Variants in CHRNA6 observed in about 807,000 individuals in gnomAD.
CHRNA6 encodes the protein cholinergic receptor nicotinic alpha 6 subunit, also known as neuronal acetylcholine receptor subunit alpha-6.
Under a neutral mutation model 40.9 loss-of-function variants are expected in CHRNA6, and 31 were observed. That is an observed-to-expected ratio of 0.76 (90% CI 0.57 to 1.02). The LOEUF is 1.02. Among genes scored for constraint, CHRNA6 ranks in the 50% least tolerant of loss-of-function variants. The pLI, the probability that CHRNA6 is intolerant of heterozygous loss-of-function variation, is 0.00. For synonymous variants in CHRNA6, 222 were observed against 221.3 expected, an observed-to-expected ratio of 1.00 and a Z score of -0.03; for missense variants, 546 against 596.6, an observed-to-expected ratio of 0.92 and a Z score of 0.88.
At chr8:42,754,983 C>T (rs1301967883) in intron 5 of CHRNA6, among the ~76,000 whole-genome samples, 1 of 152,000 alleles carries the variant, frequency 6.6e-6, no homozygotes, top group Non-Finnish European at 1.5e-5. Flanking sequence ...TTCTCCTTCC[C>T]TCTGGGGCAG....
intron 2 of CHRNA6, among the ~76,000 whole-genome samples, chr8:42,760,208 CAT>C (rs772127929): frequency 4.5e-4 from 69 of 152,234 alleles, no homozygotes; most frequent in South Asian, 8.3e-4. Flanking sequence ...CACACACACA[CAT>C]ATGCACACAC....
intron 5 of CHRNA6, 38 bp downstream of exon 5, chr8:42,755,808 G>A: frequency 6.3e-7 from 1 of 1,584,128 alleles, no homozygotes. Context: ...AGGCTGCAAA[G>A]GGTGCAAGCT....
chr8:42,763,554 A>G (rs901523404), intron 2 of CHRNA6, among the ~76,000 whole-genome samples: 2 of 152,174 alleles, frequency 1.3e-5, no homozygotes, highest in Non-Finnish European at 2.9e-5. Context: ...GACGCCATGC[A>G]GTGAGGTAGC....
chr8:42,759,182 T>G, intron 2 of CHRNA6, 69 bp from the exon 3 acceptor site: 4 of 1,245,264 alleles, frequency 3.2e-6, no homozygotes, highest in South Asian at 1.2e-5. Context: ...AGAGCAAAAA[T>G]TACAACTAAA....
intron 2 of CHRNA6, among the ~76,000 whole-genome samples, chr8:42,763,702 C>G (rs1816936036): frequency 6.6e-6 from 1 of 152,136 alleles, no homozygotes; most frequent in African/African-American, 2.4e-5. Flanking sequence ...GAACAGGCAC[C>G]AAATAAATAC....
In CHRNA6 at chr8:42,763,759, C is replaced by A. The variant is rs117581056; in HGVS notation, c.219+1306G>T. Among the ~76,000 whole-genome samples the A allele has an allele frequency of 8.5e-3, 1,288 of 152,250 alleles. 7 individuals are homozygous for A. The highest frequency in any genetic ancestry group is 0.013 in the Non-Finnish European group (861 of 68,022). ...CATCCAGGTGAGGGGAAACATCTGG[C>A]TTTATTTTTTTCAGCCAGTGCATGC... On this transcript the variant is annotated intron_variant, in intron 2 of 5. Transcript: ENST00000276410.
chr8:42,753,383 T>C, intron 5 of CHRNA6, 73 bp from the exon 6 acceptor site: 1 of 1,337,368 alleles, frequency 7.5e-7, no homozygotes. Flanking sequence ...GTTTCATCAA[T>C]AAGCTGCTTC....
At chr8:42,765,000 T>C in intron 2 of CHRNA6, 65 bp downstream of exon 2, 1 of 1,541,452 alleles carries the variant, frequency 6.5e-7, no homozygotes, top group Non-Finnish European at 8.9e-7. Context: ...TTTCTAAAAT[T>C]CCTTCATTTA....
At chr8:42,760,538 A>G (rs1325225369) in intron 2 of CHRNA6, among the ~76,000 whole-genome samples, 1 of 151,096 alleles carries the variant, frequency 6.6e-6, no homozygotes, top group Non-Finnish European at 1.5e-5. Flanking sequence ...ACACACTCAT[A>G]CCCACTCACA....
At chr8:42,757,694 C>G (rs1422229886) in intron 3 of CHRNA6, among the ~76,000 whole-genome samples, 1 of 143,078 alleles carries the variant, frequency 7.0e-6, no homozygotes, top group Non-Finnish European at 1.5e-5. Flanking sequence ...GATCGTGCCA[C>G]TGCACTCCAG....
chr8:42,765,647 A>AT (rs1816966408), intron 1 of CHRNA6, among the ~76,000 whole-genome samples: 1 of 152,220 alleles, frequency 6.6e-6, no homozygotes, highest in Non-Finnish European at 1.5e-5. Flanking sequence ...TAAAATCTGT[A>AT]TCTACACCAG....
At chr8:42,758,939 C>T in intron 3 of CHRNA6, 130 bp downstream of exon 3, 1 of 731,734 alleles carries the variant, frequency 1.4e-6, no homozygotes, top group Non-Finnish European at 2.4e-6. Context: ...CAGAGCTGAA[C>T]TTTAGGCTTT....
intron 5 of CHRNA6, among the ~76,000 whole-genome samples, chr8:42,755,343 G>C (rs1207601012): frequency 2.0e-5 from 3 of 151,930 alleles, no homozygotes; most frequent in African/African-American, 7.3e-5. Context: ...GGGGCGCCAT[G>C]TCAGCTCACT....
Position 42,756,249 on chromosome 8 carries a change from G to A in CHRNA6, c.950C>T (p.Ser317Phe). 1 of 1,614,234 alleles carries A rather than the reference G, an allele frequency of 6.2e-7. No homozygotes were observed. Among genetic ancestry groups the A allele is most frequent in the South Asian group, 1.1e-5 (1 of 91,090 alleles). The change falls in exon 5 of 6, where the codon TCC (serine) becomes TTC (phenylalanine). Residue 317 changes from serine (S) to phenylalanine (F), a missense_variant. This residue lies in a region of CHRNA6 where 476 missense variants were observed against 494.5 expected (regional missense o/e 0.96). Transcript: ENST00000276410. Reference protein sequence around the residue: ...LLFTMIFVTLSIVVTVFVLNI... With the variant: ...LLFTMIFVTLFIVVTVFVLNI... Reference sequence around the variant, plus strand: ...CAACACAAACACAGTCACCACGATGGACAGTGTGACAAAGATCATGGTGAA... The same window carrying A: ...CAACACAAACACAGTCACCACGATGAACAGTGTGACAAAGATCATGGTGAA...
rs200478711 is a variant in CHRNA6, at chr8:42,756,660, G to A, written c.539C>T (p.Thr180Met). The part of the protein sequence containing the change: ...QNCSLKFGSW[T>M]YDKAEIDLLI... Reference sequence around the variant, plus strand: ...AAGATCAATTTCAGCTTTGTCATACGTCCAGGAACCAAATTTTAGGGAACA... The same window carrying A: ...AAGATCAATTTCAGCTTTGTCATACATCCAGGAACCAAATTTTAGGGAACA... Residue 180 changes from threonine (T) to methionine (M), a missense_variant, in exon 5 of 6, where the codon ACG (threonine) becomes ATG (methionine). Around this residue, in one of 3 missense-constraint regions of CHRNA6, gnomAD observed 476 missense variants for 494.5 expected, o/e 0.96. Coordinates refer to ENST00000276410, the MANE Select transcript of CHRNA6 (RefSeq NM_004198.3). The A allele has an allele frequency of 3.0e-5, 48 of 1,613,948 alleles. 1 individual carries two copies. Among genetic ancestry groups the A allele is most frequent in the South Asian group, 5.5e-5 (5 of 91,080 alleles).
chr8:42,762,828 C>T (rs1192787462), intron 2 of CHRNA6, among the ~76,000 whole-genome samples: 1 of 152,100 alleles, frequency 6.6e-6, no homozygotes, highest in Non-Finnish European at 1.5e-5. Context: ...CGTATAACAT[C>T]GTTGAAATGA....
At chr8:42,754,565 T>A (rs555741694) in intron 5 of CHRNA6, among the ~76,000 whole-genome samples, 82 of 152,342 alleles carry the variant, frequency 5.4e-4, no homozygotes, top group African/African-American at 2.0e-3. Context: ...CACATCTGCA[T>A]GACAGCCATT....
rs199915060 is a variant in CHRNA6, at chr8:42,765,177, C to T, written c.107G>A (p.Arg36Lys). 6.2e-7 allele frequency: 1 copy of T among 1,614,128 alleles called. No homozygotes were observed. Among genetic ancestry groups the T allele is most frequent in the Non-Finnish European group, 8.5e-7 (1 of 1,180,022 alleles). ...ATGAGAAAACAGTTTGTGGAAGAGC[C>T]TCTCCTCAGTTGCACAGCCCACACA... ...KGCVGCATEE[R>K]LFHKLFSHYN... The change falls in exon 2 of 6, where the codon AGG becomes AAG. Residue 36 changes from arginine (R) to lysine (K), a missense_variant. Physicochemically the swap from Arg to Lys is conservative, Grantham distance 26. Coordinates refer to ENST00000276410, the MANE Select transcript of CHRNA6 (RefSeq NM_004198.3).
At position 42,757,767 on chromosome 8, in the gene CHRNA6, C is replaced by A. The variant is rs1040291465; in HGVS notation, c.265-730G>T. Among the ~76,000 whole-genome samples, 3 of 146,896 alleles carry A rather than the reference C, an allele frequency of 2.0e-5. No homozygotes were observed. The Admixed American group carries it at 2.1e-4, about 10-fold the overall frequency. ...AAAAAAAAGTGGCCCGGCGCGATGGCTCACGCCTGTAATCCCAGCACGTTG... is the reference window on the plus strand; with the variant it reads ...AAAAAAAAGTGGCCCGGCGCGATGGATCACGCCTGTAATCCCAGCACGTTG... On this transcript the variant is annotated intron_variant, in intron 3 of 5. Transcript: ENST00000276410.
Sources: gnomAD v4.1 joint callset for allele counts (sites outside exome capture counted in the v4.1 genomes callset) on GRCh38, gnomAD v4.1.1 for gene constraint, gnomAD v4.1.1 regional missense constraint, MANE v1.5 for transcripts, NCBI Gene and HGNC (gene_info 2026-07-23, HGNC 2026-07-21) for gene names.